Variants in PDE4D observed in about 807,000 individuals in gnomAD.
PDE4D encodes the protein phosphodiesterase 4D, also known as 3',5'-cyclic-AMP phosphodiesterase 4D.
Under a neutral mutation model 87.4 loss-of-function variants are expected in PDE4D, and 24 were observed. That is an observed-to-expected ratio of 0.27 (90% CI 0.20 to 0.39). PDE4D has a LOEUF of 0.39. PDE4D is among the 10% of genes least tolerant of loss of function. PDE4D has a pLI of 1.00. For synonymous variants in PDE4D, 384 were observed against 383.2 expected (o/e 1.00, Z -0.02); for missense variants, 714 against 1,041.0 (o/e 0.69, Z 4.32).
intron 1 of PDE4D, among the ~76,000 whole-genome samples, chr5:60,311,097 A>G (rs1474433205): frequency 2.0e-5 from 3 of 150,502 alleles, no homozygotes; most frequent in African/African-American, 7.4e-5. Flanking sequence ...AGCTCACCAC[A>G]GTCTTCACCT....
intron 2 of PDE4D, among the ~76,000 whole-genome samples, chr5:59,204,357 C>T (rs1748260933): frequency 6.6e-6 from 1 of 152,086 alleles, no homozygotes; most frequent in South Asian, 2.1e-4. Flanking sequence ...CTTTATTTGT[C>T]ATGAGAAAAC....
At chr5:59,932,669 T>C (rs761920771) in intron 3 of PDE4D, among the ~76,000 whole-genome samples, 7 of 152,150 alleles carry the variant, frequency 4.6e-5, no homozygotes, top group South Asian at 4.1e-4. Flanking sequence ...TTTATTTCTA[T>C]GCACTAGGAA....
intron 1 of PDE4D, among the ~76,000 whole-genome samples, chr5:60,244,799 T>C (rs746632697): frequency 5.9e-5 from 9 of 151,836 alleles, no homozygotes; most frequent in Non-Finnish European, 1.2e-4. Flanking sequence ...AAAACCAAAA[T>C]GGATGAAAGA....
At chr5:60,009,413 G>A (rs1003974378) in intron 2 of PDE4D, among the ~76,000 whole-genome samples, 3 of 151,792 alleles carry the variant, frequency 2.0e-5, no homozygotes, top group Non-Finnish European at 1.5e-5. Context: ...ATTATTTATC[G>A]AGTGCCTATA....
At chr5:59,373,010 AG>A (rs1433366841) in intron 1 of PDE4D, among the ~76,000 whole-genome samples, 1 of 131,136 alleles carries the variant, frequency 7.6e-6, no homozygotes. Context: ...ATAGGATAAA[AG>A]GAAAAAAAAA....
At chr5:60,172,924 A>G (rs993932941) in intron 2 of PDE4D, among the ~76,000 whole-genome samples, 1 of 152,156 alleles carries the variant, frequency 6.6e-6, no homozygotes, top group African/African-American at 2.4e-5. Context: ...TGATTTAACA[A>G]AGGCTAATAG....
intron 2 of PDE4D, among the ~76,000 whole-genome samples, chr5:60,106,534 C>A (rs552156441): frequency 1.3e-5 from 2 of 152,176 alleles, no homozygotes; most frequent in African/African-American, 4.8e-5. Flanking sequence ...GAACTCTCCA[C>A]CCCAAATCAA....
intron 5 of PDE4D, among the ~76,000 whole-genome samples, chr5:59,071,266 T>C (rs1764742885): frequency 6.6e-6 from 1 of 152,156 alleles, no homozygotes; most frequent in Non-Finnish European, 1.5e-5. Context: ...ATACTTTATA[T>C]TGTGCTAAAT....
exon 3 of PDE4D, chr5:59,988,680 T>C (rs945255325): frequency 7.5e-6 from 12 of 1,598,674 alleles, no homozygotes; most frequent in Admixed American, 3.3e-5. Flanking sequence ...GAAAGGGTCT[T>C]CCTCTTCATT....
At chr5:59,380,202 T>A (rs1785490297) in intron 1 of PDE4D, among the ~76,000 whole-genome samples, 1 of 152,114 alleles carries the variant, frequency 6.6e-6, no homozygotes, top group Non-Finnish European at 1.5e-5. Flanking sequence ...TAACATGCAT[T>A]ATTTTATTAT....
Position 58,991,885 on chromosome 5 carries a change from A to G in PDE4D, c.1135T>C (p.Ser379Pro). ...KLMHSSSLTNSSIPRFGVKTE... is the reference protein window; with the variant it reads ...KLMHSSSLTNPSIPRFGVKTE... ...TTAACTCCAAACCTTGGGATACTTG[A>G]ATTAGTCAGACTAGAGCTGTGCATC... Residue 379 changes from serine to proline, a missense_variant, in exon 8 of 15, where the codon TCA (serine) becomes CCA (proline). Ser to Pro is a moderately conservative substitution (Grantham distance 74). This residue lies in a region of PDE4D where 141 missense variants were observed against 204.3 expected (regional missense o/e 0.69). Coordinates refer to ENST00000340635, the MANE Select transcript of PDE4D (RefSeq NM_001104631.2). The G allele has an allele frequency of 6.3e-7, 1 of 1,580,356 alleles. No individual in the cohort carries two copies. Among genetic ancestry groups the G allele is most frequent in the Non-Finnish European group, 8.6e-7 (1 of 1,165,556 alleles).
At chr5:60,459,744 C>T (rs1255429165) in intron 1 of PDE4D, 10 of 395,850 alleles carry the variant, frequency 2.5e-5, no homozygotes, top group South Asian at 6.2e-5. Flanking sequence ...GAGACCTCAA[C>T]AACAGGGCAA....
intron 1 of PDE4D, among the ~76,000 whole-genome samples, chr5:59,258,216 C>A (rs147598700): frequency 7.3e-4 from 111 of 152,004 alleles, no homozygotes; most frequent in African/African-American, 2.6e-3. Flanking sequence ...ACTTCCCTGA[C>A]CACTCCAACT....
chr5:60,310,551 G>GGT (rs1033434671), intron 1 of PDE4D, among the ~76,000 whole-genome samples: 21 of 152,282 alleles, frequency 1.4e-4, no homozygotes, highest in African/African-American at 5.1e-4. Context: ...CAGGAACACA[G>GGT]GTAAAGTATT....
chr5:59,137,096 T>C (rs1188936818), intron 5 of PDE4D, among the ~76,000 whole-genome samples: 1 of 152,130 alleles, frequency 6.6e-6, no homozygotes, highest in Non-Finnish European at 1.5e-5. Context: ...CTGAGAAACT[T>C]TCTTTCTGCC....
At chr5:60,376,490 A>G (rs1318150289) in intron 1 of PDE4D, among the ~76,000 whole-genome samples, 1 of 152,156 alleles carries the variant, frequency 6.6e-6, no homozygotes, top group African/African-American at 2.4e-5. Context: ...CAGGCCTCCT[A>G]ACGCATCCCA....
At chr5:60,083,768 CG>C (rs1774234045) in intron 2 of PDE4D, among the ~76,000 whole-genome samples, 1 of 152,088 alleles carries the variant, frequency 6.6e-6, no homozygotes, top group African/African-American at 2.4e-5. Flanking sequence ...ACACATAGAA[CG>C]GTTTAAGGAA....
At chr5:59,885,171 C>A (rs1357722543) in intron 1 of PDE4D, among the ~76,000 whole-genome samples, 1 of 151,988 alleles carries the variant, frequency 6.6e-6, no homozygotes, top group African/African-American at 2.4e-5. Flanking sequence ...GACCATTTAT[C>A]CAGTTGGTTG....
At chr5:60,051,329 A>G (rs1334961883) in intron 2 of PDE4D, among the ~76,000 whole-genome samples, 1 of 152,220 alleles carries the variant, frequency 6.6e-6, no homozygotes, top group Non-Finnish European at 1.5e-5. Flanking sequence ...AACAGAAATC[A>G]TAACAAACAG....
Sources: gnomAD v4.1 joint callset for allele counts (sites outside exome capture counted in the v4.1 genomes callset) on GRCh38, gnomAD v4.1.1 for gene constraint, gnomAD v4.1.1 regional missense constraint, MANE v1.5 for transcripts, NCBI Gene and HGNC (gene_info 2026-07-23, HGNC 2026-07-21) for gene names.